The following MAPK10 variants were observed in gnomAD, a reference collection of about 807,000 sequenced individuals.
The protein encoded by MAPK10 is JNK3 alpha protein kinase.
In MAPK10, 25 loss-of-function variants were observed where a neutral mutation model predicts 59.3. The ratio of observed to expected loss-of-function variants is 0.42; its 90% CI spans 0.31 to 0.59. The LOEUF (loss-of-function observed/expected upper bound fraction) is 0.59. MAPK10 is among the 20% of genes least tolerant of loss of function. The pLI is 0.15. For missense variants in MAPK10, 351 were observed against 568.9 expected (o/e 0.62, Z 3.90); for synonymous variants, 190 against 200.5 (o/e 0.95, Z 0.44).
intron 4 of MAPK10, among the ~76,000 whole-genome samples, chr4:86,141,844 A>C (rs1386475864): frequency 6.6e-6 from 1 of 152,178 alleles, no homozygotes; most frequent in African/African-American, 2.4e-5. Context: ...ATTGAAAAGA[A>C]GTTTATTTAG....
At chr4:86,185,596 AG>A (rs1192810420) in intron 3 of MAPK10, among the ~76,000 whole-genome samples, 3 of 152,172 alleles carry the variant, frequency 2.0e-5, no homozygotes, top group Non-Finnish European at 4.4e-5. Context: ...TAATGTTTTA[AG>A]AGTAAACCAC....
intron 2 of MAPK10, among the ~76,000 whole-genome samples, chr4:86,206,617 C>G (rs1274391808): frequency 6.6e-6 from 1 of 152,230 alleles, no homozygotes; most frequent in Non-Finnish European, 1.5e-5. Context: ...TGAAGAATCA[C>G]CACACTGACT....
At chr4:86,147,548 T>C (rs1001389840) in intron 4 of MAPK10, among the ~76,000 whole-genome samples, 1 of 152,202 alleles carries the variant, frequency 6.6e-6, no homozygotes, top group African/African-American at 2.4e-5. Flanking sequence ...ATGATACTAA[T>C]GTTATACATT....
chr4:86,403,899 C>T (rs911398352), intron 1 of MAPK10, among the ~76,000 whole-genome samples: 2 of 152,154 alleles, frequency 1.3e-5, no homozygotes, highest in African/African-American at 4.8e-5. Context: ...TAAACCATAT[C>T]AGAGCCTTTG....
intron 1 of MAPK10, among the ~76,000 whole-genome samples, chr4:86,572,581 T>A (rs2149108644): frequency 6.6e-6 from 1 of 152,218 alleles, no homozygotes; most frequent in South Asian, 2.1e-4. Flanking sequence ...CAGGCCTTAC[T>A]TATAAAATAC....
rs74287869 is a variant in MAPK10, at chr4:86,501,206, C to A, written c.-263+92704G>T. Among the ~76,000 whole-genome samples, 8 of 139,912 alleles carry A rather than the reference C, an allele frequency of 5.7e-5. No homozygotes were observed. In the East Asian group the frequency reaches 1.7e-3, roughly 30 times the overall value. The allele number at this position is 139,912 out of a possible 152,430, so 91.8% of individuals were successfully genotyped here. A position where few individuals can be genotyped will look rare whatever the true frequency, so the allele number is the denominator to read the frequency against. On this transcript the variant is annotated intron_variant, in intron 1 of 4. Coordinates refer to the MAPK10 transcript ENST00000502302. ...ACCTGAATTCCACAGGAGATAAAAA[C>A]AATAAATTGAAAACCTTGAAAATTA...
intron 2 of MAPK10, among the ~76,000 whole-genome samples, chr4:86,262,188 G>A (rs966019937): frequency 1.2e-4 from 18 of 152,182 alleles, no homozygotes; most frequent in Admixed American, 5.2e-4. Flanking sequence ...GGTCACTATA[G>A]CGGGAGTGGG....
At chr4:86,511,514 A>G (rs1374184178) in intron 1 of MAPK10, among the ~76,000 whole-genome samples, 1 of 152,050 alleles carries the variant, frequency 6.6e-6, no homozygotes, top group African/African-American at 2.4e-5. Flanking sequence ...GCAGTGAGCC[A>G]TGATCGCACC....
chr4:86,502,073 A>G (rs1755371315), intron 1 of MAPK10, among the ~76,000 whole-genome samples: 1 of 152,122 alleles, frequency 6.6e-6, no homozygotes, highest in African/African-American at 2.4e-5. Context: ...TGCCATTTTA[A>G]CCAGTTCAAG....
chr4:86,123,859 A>G (rs930971305), intron 4 of MAPK10: 5 of 152,058 alleles, frequency 3.3e-5, no homozygotes, highest in African/African-American at 1.2e-4. Context: ...ACAGTTGTTA[A>G]TGTGCTGCCT....
intron 1 of MAPK10, among the ~76,000 whole-genome samples, chr4:86,389,589 G>A (rs923033014): frequency 1.3e-5 from 2 of 152,148 alleles, no homozygotes; most frequent in Non-Finnish European, 2.9e-5. Context: ...TATAAGTTGG[G>A]ACCAAGGGGA....
intron 2 of MAPK10, among the ~76,000 whole-genome samples, chr4:86,294,540 A>AG (rs1033825887): frequency 2.6e-5 from 4 of 152,162 alleles, no homozygotes; most frequent in Non-Finnish European, 4.4e-5. Flanking sequence ...AAAGAAAAAA[A>AG]AAAAAGAAAA....
chr4:86,509,157 A>T (rs185589031), intron 1 of MAPK10, among the ~76,000 whole-genome samples: 128 of 152,228 alleles, frequency 8.4e-4, no homozygotes, highest in African/African-American at 3.0e-3. Flanking sequence ...CAGGATAAGG[A>T]TAAAAATCTT....
intron 1 of MAPK10, among the ~76,000 whole-genome samples, chr4:86,579,852 C>T (rs1762143687): frequency 1.3e-5 from 2 of 152,134 alleles, no homozygotes; most frequent in South Asian, 4.1e-4. Flanking sequence ...CTTGCTCTGT[C>T]ACCCAGGCTG....
chr4:86,101,406 C>A, intron 7 of MAPK10, 189 bp from the exon 8 acceptor site: 5 of 511,120 alleles, frequency 9.8e-6, no homozygotes, highest in South Asian at 3.2e-5. Context: ...TGTTTTAATC[C>A]CAGAAAAGAA....
In MAPK10 at chr4:86,497,589, T is replaced by C. The variant is rs546796734; in HGVS notation, c.-263+96321A>G. 3.5e-4 allele frequency among the ~76,000 whole-genome samples: 53 copies of C among 152,242 alleles called. 1 individual carries two copies. Among genetic ancestry groups the C allele is most frequent in the African/African-American group, 1.2e-3 (51 of 41,546 alleles). Reference sequence around the variant, plus strand: ...CATCTTTCCCAGCTGGTGGGGGCAGTGGCAAGTCTAAGCCATAAAACCCAG... The same window carrying C: ...CATCTTTCCCAGCTGGTGGGGGCAGCGGCAAGTCTAAGCCATAAAACCCAG... On this transcript the variant is annotated intron_variant, in intron 1 of 4. Coordinates refer to the MAPK10 transcript ENST00000502302.
intron 2 of MAPK10, among the ~76,000 whole-genome samples, chr4:86,259,652 T>C (rs1437728748): frequency 6.6e-6 from 1 of 152,110 alleles, no homozygotes; most frequent in Non-Finnish European, 1.5e-5. Context: ...TAGTGATGCT[T>C]TTTCTATAAT....
chr4:86,387,528 C>T (rs1741636610), intron 1 of MAPK10, among the ~76,000 whole-genome samples: 1 of 152,182 alleles, frequency 6.6e-6, no homozygotes, highest in African/African-American at 2.4e-5. Flanking sequence ...TATTTTTCCT[C>T]AACATCCAGG....
intron 2 of MAPK10, among the ~76,000 whole-genome samples, chr4:86,248,360 T>C (rs1471187161): frequency 6.6e-6 from 1 of 152,238 alleles, no homozygotes; most frequent in African/African-American, 2.4e-5. Context: ...ATACAAACTG[T>C]ATTCTAACCA....
Sources: allele counts gnomAD v4.1 joint callset (sites outside exome capture counted in the v4.1 genomes callset), GRCh38; gene constraint gnomAD v4.1.1; transcripts MANE v1.5; gene names NCBI Gene and HGNC (gene_info 2026-07-23, HGNC 2026-07-21).